CDH13: variants seen among roughly 807,000 people sequenced by gnomAD.
The protein encoded by CDH13 is cadherin 13.
CDH13 carries 24 observed loss-of-function variants against 63.8 expected under a neutral mutation model. That is an observed-to-expected ratio of 0.38 (90% CI 0.27 to 0.53). The LOEUF (loss-of-function observed/expected upper bound fraction) is 0.53, where lower values mean the gene tolerates loss of function less well. Ranked by LOEUF, CDH13 falls within the 20% of genes least tolerant of loss-of-function variation. The pLI, the probability that CDH13 is intolerant of heterozygous loss-of-function variation, is 0.85. For missense variants in CDH13, 1,049 were observed against 903.1 expected, an observed-to-expected ratio of 1.16 and a Z score of -2.07; for synonymous variants, 503 against 355.3, an observed-to-expected ratio of 1.42 and a Z score of -4.67.
chr16:83,534,942 A>G (rs556628129), intron 7 of CDH13, among the ~76,000 whole-genome samples: 1 of 152,380 alleles, frequency 6.6e-6, no homozygotes, highest in South Asian at 2.1e-4. Context: ...GGACAATTTT[A>G]TAGGACAATC....
intron 8 of CDH13, among the ~76,000 whole-genome samples, chr16:83,663,430 T>C (rs1175889197): frequency 2.0e-5 from 3 of 152,242 alleles, no homozygotes; most frequent in Admixed American, 6.5e-5. Context: ...TTGAGTCCAC[T>C]TTCCTTTTTC....
At chr16:83,374,814 A>T (rs1461021369) in intron 6 of CDH13, among the ~76,000 whole-genome samples, 1 of 152,184 alleles carries the variant, frequency 6.6e-6, no homozygotes, top group Non-Finnish European at 1.5e-5. Flanking sequence ...ACAGACTCCA[A>T]CCACTGGTAT....
At chr16:83,309,369 C>T (rs1242370744) in intron 5 of CDH13, among the ~76,000 whole-genome samples, 2 of 141,006 alleles carry the variant, frequency 1.4e-5, no homozygotes, top group East Asian at 4.5e-4. Flanking sequence ...TGGAGGCACT[C>T]CCCTCTCTCC....
In CDH13 at chr16:83,269,172, T is replaced by G. The variant is rs75817972; in HGVS notation, c.636+51675T>G. On this transcript the variant is annotated intron_variant, in intron 5 of 13. Coordinates refer to ENST00000567109, the MANE Select transcript of CDH13 (RefSeq NM_001257.5). Reference sequence around the variant, plus strand: ...TAGTTTTTGGAAATGTGAGGCTTCTTAGAAATTCAAATGTTGTGTCATAAC... The same window carrying G: ...TAGTTTTTGGAAATGTGAGGCTTCTGAGAAATTCAAATGTTGTGTCATAAC... Among the ~76,000 whole-genome samples, 783 of 152,278 alleles carry G rather than the reference T, an allele frequency of 5.1e-3. 6 individuals carry two copies. The highest frequency in any genetic ancestry group is 0.018 in the African/African-American group (749 of 41,558).
intron 5 of CDH13, among the ~76,000 whole-genome samples, chr16:83,239,403 A>G (rs1904296513): frequency 6.6e-6 from 1 of 152,172 alleles, no homozygotes; most frequent in Non-Finnish European, 1.5e-5. Flanking sequence ...TAATTGTTTA[A>G]TCCTTCTGGA....
chr16:83,171,061 G>C (rs1457589487), intron 4 of CDH13, among the ~76,000 whole-genome samples: 1 of 151,996 alleles, frequency 6.6e-6, no homozygotes, highest in Non-Finnish European at 1.5e-5. Flanking sequence ...CCTGAGACTG[G>C]GTAATTTATA....
chr16:83,326,169 C>T (rs1005975444), intron 5 of CDH13, among the ~76,000 whole-genome samples: 1 of 152,152 alleles, frequency 6.6e-6, no homozygotes, highest in African/African-American at 2.4e-5. Flanking sequence ...CTTTCCAGAA[C>T]ATGAGATTTT....
intron 11 of CDH13, among the ~76,000 whole-genome samples, chr16:83,760,705 G>T (rs1291713480): frequency 6.6e-6 from 1 of 152,204 alleles, no homozygotes; most frequent in Admixed American, 6.5e-5. Flanking sequence ...GACTACATGG[G>T]TGTGTTCAGA....
chr16:83,512,294 C>A (rs923325771), intron 7 of CDH13, among the ~76,000 whole-genome samples: 1 of 150,024 alleles, frequency 6.7e-6, no homozygotes, highest in Admixed American at 6.7e-5. Context: ...GCACTCTAGC[C>A]TGGCGGACAG....
chr16:83,236,824 G>A (rs566794676), intron 5 of CDH13, among the ~76,000 whole-genome samples: 1 of 152,286 alleles, frequency 6.6e-6, no homozygotes, highest in South Asian at 2.1e-4. Context: ...GGGTGGGAAG[G>A]AGGGCCTACT....
chr16:82,846,044 G>A (rs745426420), intron 1 of CDH13, among the ~76,000 whole-genome samples: 9 of 152,178 alleles, frequency 5.9e-5, no homozygotes, highest in Non-Finnish European at 1.3e-4. Context: ...GCATGCATGA[G>A]TCCTATTTTG....
rs981174194 is a variant in CDH13 at position 82,870,472 on chromosome 16, T to G, written c.157+11999T>G. 5.3e-5 allele frequency among the ~76,000 whole-genome samples: 8 copies of G among 152,148 alleles called. No homozygotes were observed. The Middle Eastern group carries it at 0.01, about 195-fold the overall frequency. ...CAACAGTCCCACTGCTGGATATATA[T>G]CTAAAAGAAAGGGCTGGAAGGGTCC... is the stretch of plus-strand genomic sequence containing the variant. On this transcript the variant is annotated intron_variant, in intron 2 of 13. Coordinates refer to ENST00000567109, the MANE Select transcript of CDH13 (RefSeq NM_001257.5).
chr16:83,020,256 C>T (rs1457898154), intron 2 of CDH13, among the ~76,000 whole-genome samples: 1 of 151,862 alleles, frequency 6.6e-6, no homozygotes, highest in Non-Finnish European at 1.5e-5. Flanking sequence ...CCTTCCTGGC[C>T]TTTTATTCTG....
intron 5 of CDH13, among the ~76,000 whole-genome samples, chr16:83,331,050 T>C (rs2090470502): frequency 6.6e-6 from 1 of 152,224 alleles, no homozygotes; most frequent in African/African-American, 2.4e-5. Flanking sequence ...TGGTTCCTGT[T>C]CTTCCATCTC....
At chr16:83,631,884 C>T (rs1010292830) in intron 8 of CDH13, among the ~76,000 whole-genome samples, 15 of 152,196 alleles carry the variant, frequency 9.9e-5, no homozygotes, top group African/African-American at 3.6e-4. Flanking sequence ...GCATCAAGGT[C>T]ATGGATCCCA....
At chr16:82,791,382 A>G (rs1484697222) in intron 1 of CDH13, among the ~76,000 whole-genome samples, 1 of 152,230 alleles carries the variant, frequency 6.6e-6, no homozygotes, top group Admixed American at 6.5e-5. Flanking sequence ...AGGCTAAAGC[A>G]GGAGGTAAAG....
intron 11 of CDH13, among the ~76,000 whole-genome samples, chr16:83,759,275 C>A (rs1913759890): frequency 6.6e-6 from 1 of 152,248 alleles, no homozygotes; most frequent in South Asian, 2.1e-4. Flanking sequence ...AAGGAAAACA[C>A]AACACAGCAG....
intron 1 of CDH13, among the ~76,000 whole-genome samples, chr16:82,732,284 G>T (rs1597429792): frequency 6.6e-6 from 1 of 152,012 alleles, no homozygotes; most frequent in Non-Finnish European, 1.5e-5. Flanking sequence ...AAAAAAATAG[G>T]TCTGTATTTA....
At chr16:83,239,336 G>T (rs879820038) in intron 5 of CDH13, among the ~76,000 whole-genome samples, 4 of 152,172 alleles carry the variant, frequency 2.6e-5, no homozygotes, top group African/African-American at 4.8e-5. Context: ...TCAAGGGTGC[G>T]TGAGGAGAGA....
Sources: allele counts gnomAD v4.1 joint callset (sites outside exome capture counted in the v4.1 genomes callset), GRCh38; gene constraint gnomAD v4.1.1; transcripts MANE v1.5; gene names NCBI Gene and HGNC (gene_info 2026-07-23, HGNC 2026-07-21).